Variants in DEK observed in about 807,000 individuals in gnomAD.
DEK encodes DEK proto-oncogene.
Under a neutral mutation model 46.8 loss-of-function variants are expected in DEK, and 28 were observed. The observed-to-expected ratio is 0.60, with a 90% CI of 0.44 to 0.82. The LOEUF is 0.82. DEK is among the 40% of genes least tolerant of loss of function. The pLI, the probability that DEK is intolerant of heterozygous loss-of-function variation, is 0.00. For synonymous variants in DEK, 160 were observed against 144.5 expected, an observed-to-expected ratio of 1.11 and a Z score of -0.77; for missense variants, 416 against 430.6, an observed-to-expected ratio of 0.97 and a Z score of 0.30.
chr6:18,264,010 G>T lies in DEK; in HGVS notation c.-9-14C>A. 1.9e-6 allele frequency: 3 copies of T among 1,588,938 alleles called. No individual in the cohort carries two copies. Among genetic ancestry groups the T allele is most frequent in the South Asian group, 2.2e-5 (2 of 89,022 alleles). On this transcript the variant is annotated splice_polypyrimidine_tract_variant and intron_variant, in intron 1 of 10. Coordinates refer to ENST00000652689, the MANE Select transcript of DEK (RefSeq NM_003472.4). ...CATGCTGTGAACCTGCATGCGGGAA[G>T]AAAGCCGGACGTCTCGGTCCTCCTA...
intron 2 of DEK, among the ~76,000 whole-genome samples, chr6:18,259,394 C>CAAAAAAAAAAAAAAA (rs56704006): frequency 7.2e-5 from 3 of 41,482 alleles, no homozygotes; most frequent in South Asian, 7.1e-4. Flanking sequence ...GACTCCGTCT[C>CAAAAAAAAAAAAAAA]AAAAAAAAAA....
At chr6:18,246,759 G>A (rs1446396527) in intron 7 of DEK, among the ~76,000 whole-genome samples, 3 of 152,082 alleles carry the variant, frequency 2.0e-5, no homozygotes, top group Non-Finnish European at 2.9e-5. Flanking sequence ...AATGAATAGA[G>A]TATATTTGAC....
rs34961340 is a variant in DEK, at chr6:18,256,767, G to A, written c.358-312C>T. The stretch of plus-strand genomic sequence containing the variant: ...CAAAAGTTACCTGACAGTACCAGGG[G>A]ATGTGGAAAGTTACTATTTAAAAAT... On this transcript the variant is annotated intron_variant, in intron 4 of 10. Transcript: ENST00000652689. Among the ~76,000 whole-genome samples the A allele has an allele frequency of 4.2e-3, 646 of 152,304 alleles. 4 individuals carry two copies. Among genetic ancestry groups the A allele is most frequent in the Middle Eastern group, 0.014 (4 of 294 alleles).
At chr6:18,247,272 G>T (rs1412981852) in intron 7 of DEK, among the ~76,000 whole-genome samples, 1 of 150,980 alleles carries the variant, frequency 6.6e-6, no homozygotes, top group African/African-American at 2.4e-5. Context: ...ATTTATCAGG[G>T]AAAAAAAAGG....
chr6:18,261,634 T>G (rs1010718577), intron 2 of DEK, among the ~76,000 whole-genome samples: 7 of 152,112 alleles, frequency 4.6e-5, no homozygotes, highest in Non-Finnish European at 1.0e-4. Context: ...AACCAGACTG[T>G]GTGGGGCCTA....
rs773254857 is a variant in DEK, at chr6:18,237,467, G to A, written c.812C>T (p.Ser271Phe). 5 of 1,610,540 alleles carry A rather than the reference G, an allele frequency of 3.1e-6. No homozygotes were observed. The highest frequency in any genetic ancestry group is 1.7e-4 in the Middle Eastern group (1 of 6,034). The change falls in exon 8 of 11, where the codon TCT (serine) becomes TTT (phenylalanine). Residue 271 changes from serine to phenylalanine, a missense_variant. Transcript: ENST00000652689. ...ACTTTTCACAGATTTTTTACTTTTA[G>A]AAGTAGCTTTCTGTTTAGGTTTTTC... ...KREKPKQKAT[S>F]KSKKSVKSAN...
Position 18,258,397 on chromosome 6 carries a change from G to A in DEK, c.154C>T (p.Leu52Phe). Residue 52 changes from leucine (L) to phenylalanine (F), a missense_variant, in exon 3 of 11, where the codon CTC becomes TTC. By Grantham distance (22) the Leu-to-Phe change is conservative. Coordinates refer to ENST00000652689, the MANE Select transcript of DEK (RefSeq NM_003472.4). ...EEEEEEKEKS[L>F]IVEGKREKKK... The stretch of plus-strand genomic sequence containing the variant: ...TTTTCCCTCTTGCCTTCCACGATGA[G>A]ACTCTTTTCTAGAAATTAATTTAGT... The A allele has an allele frequency of 1.2e-6, 2 of 1,609,346 alleles. No individual in the cohort carries two copies. The highest frequency in any genetic ancestry group is 1.7e-4 in the Middle Eastern group (1 of 6,048).
At chr6:18,236,359 G>A in intron 9 of DEK, 93 bp downstream of exon 9, 1 of 1,351,368 alleles carries the variant, frequency 7.4e-7, no homozygotes, top group South Asian at 1.3e-5. Context: ...TCTTCAATAA[G>A]TGAATGCACG....
intron 6 of DEK, among the ~76,000 whole-genome samples, chr6:18,252,266 T>G (rs1382999470): frequency 1.3e-5 from 2 of 152,062 alleles, no homozygotes; most frequent in Non-Finnish European, 2.9e-5. Context: ...TCCCAACACT[T>G]TGGGAGGCCA....
chr6:18,243,220 G>A (rs892749863), intron 7 of DEK, among the ~76,000 whole-genome samples: 1 of 152,178 alleles, frequency 6.6e-6, no homozygotes, highest in African/African-American at 2.4e-5. Flanking sequence ...TGAGATGCAA[G>A]ATGTGAAAGC....
At position 18,257,915 on chromosome 6, in the gene DEK, T is replaced by C. The variant is rs760567584; in HGVS notation, c.357+38A>G. 11 of 1,420,152 alleles carry C rather than the reference T, an allele frequency of 7.7e-6. No homozygotes were observed. In the African/African-American group the frequency reaches 1.6e-4, roughly 20 times the overall value. The allele number at this position is 1,420,152 out of a possible 1,614,324, so 88.0% of individuals were successfully genotyped here. A position where few individuals can be genotyped will look rare whatever the true frequency, so the allele number is the denominator to read the frequency against. On this transcript the variant is annotated intron_variant, in intron 4 of 10. Coordinates refer to ENST00000652689, the MANE Select transcript of DEK (RefSeq NM_003472.4). The stretch of plus-strand genomic sequence containing the variant: ...TACAGAAATTGATTCCATTGTGAAG[T>C]AATATACAAGTAGGTTTAAAGTGTA...
intron 7 of DEK, among the ~76,000 whole-genome samples, chr6:18,240,035 A>G (rs1450950496): frequency 6.6e-6 from 1 of 152,246 alleles, no homozygotes; most frequent in Non-Finnish European, 1.5e-5. Flanking sequence ...CTCAATCTCC[A>G]TTCAAATTAG....
At chr6:18,261,842 G>C (rs1582304067) in intron 2 of DEK, among the ~76,000 whole-genome samples, 3 of 152,242 alleles carry the variant, frequency 2.0e-5, no homozygotes, top group African/African-American at 4.8e-5. Context: ...CCGGACTTTG[G>C]GGGACTACTG....
chr6:18,236,635 A>G (rs756390366), intron 8 of DEK, 35 bp from the exon 9 acceptor site: 97 of 1,316,666 alleles, frequency 7.4e-5, no homozygotes, highest in Non-Finnish European at 9.7e-5. Context: ...TTTTTCTTAC[A>G]TAGTAAATTA....
In DEK at chr6:18,224,795, C is replaced by A; in HGVS notation, c.*924G>T. Reference sequence around the variant, plus strand: ...TAAAAATCAGTTCATTTACTGTAAGCCAAATGTGCTTGTACTTAATCCCAC... The same window carrying A: ...TAAAAATCAGTTCATTTACTGTAAGACAAATGTGCTTGTACTTAATCCCAC... On this transcript the variant is annotated 3_prime_UTR_variant, in exon 11 of 11. Transcript: ENST00000652689. 1 of 212,570 alleles carries A rather than the reference C, an allele frequency of 4.7e-6. No individual in the cohort carries two copies. Among genetic ancestry groups the A allele is most frequent in the Non-Finnish European group, 9.5e-6 (1 of 104,982 alleles). The allele number at this position is 212,570 out of a possible 1,614,324, so 13.2% of individuals were successfully genotyped here.
rs562216054 is a variant in DEK at position 18,253,873 on chromosome 6, T to C, written c.573+1858A>G. Among the ~76,000 whole-genome samples, 6 of 152,102 alleles carry C rather than the reference T, an allele frequency of 3.9e-5. No homozygotes were observed. The East Asian group carries it at 9.9e-4, about 25-fold the overall frequency. The stretch of plus-strand genomic sequence containing the variant: ...GATTACACGAGCGTGCCTCAGCGCC[T>C]GGCTAATTTCTTCTTGAGACAGTCT... On this transcript the variant is annotated intron_variant, in intron 6 of 10. Coordinates refer to ENST00000652689, the MANE Select transcript of DEK (RefSeq NM_003472.4).
intron 7 of DEK, among the ~76,000 whole-genome samples, chr6:18,239,083 C>G (rs906866329): frequency 6.6e-6 from 1 of 152,146 alleles, no homozygotes; most frequent in East Asian, 1.9e-4. Flanking sequence ...CGCCACCACA[C>G]CCGGCTACTT....
intron 6 of DEK, among the ~76,000 whole-genome samples, chr6:18,255,256 A>G (rs893673664): frequency 1.3e-5 from 2 of 152,214 alleles, no homozygotes; most frequent in African/African-American, 4.8e-5. Context: ...CAGATTCTGG[A>G]AACCCAATAT....
At chr6:18,263,747 T>TA (rs1791976893) in intron 2 of DEK, 96 bp downstream of exon 2, 5 of 1,606,852 alleles carry the variant, frequency 3.1e-6, no homozygotes, top group Non-Finnish European at 4.2e-6. Context: ...TTCACGCCTC[T>TA]AAACACCAAA....
Sources: gnomAD v4.1 joint callset for allele counts (sites outside exome capture counted in the v4.1 genomes callset) on GRCh38, gnomAD v4.1.1 for gene constraint, MANE v1.5 for transcripts, NCBI Gene and HGNC (gene_info 2026-07-23, HGNC 2026-07-21) for gene names.